Variants in GREB1L observed in about 807,000 individuals in gnomAD.
The protein encoded by GREB1L is GREB1 like retinoic acid receptor coactivator.
GREB1L carries 17 observed loss-of-function variants against 200.8 expected under a neutral mutation model. The ratio of observed to expected loss-of-function variants is 0.08; its 90% CI spans 0.06 to 0.13. The LOEUF (loss-of-function observed/expected upper bound fraction) is 0.13. GREB1L is among the 10% of genes least tolerant of loss of function. The pLI is 1.00. For missense variants in GREB1L, 1,657 were observed against 2,367.7 expected, an observed-to-expected ratio of 0.70 and a Z score of 6.23; for synonymous variants, 789 against 893.0, an observed-to-expected ratio of 0.88 and a Z score of 2.08.
intron 21 of GREB1L, among the ~76,000 whole-genome samples, chr18:21,497,284 T>G (rs188745992): frequency 3.3e-4 from 51 of 152,262 alleles, no homozygotes; most frequent in African/African-American, 1.1e-3. Context: ...TGATAAATTG[T>G]ATTATAGCAA....
At chr18:21,408,146 AG>A (rs750147720) in intron 7 of GREB1L, among the ~76,000 whole-genome samples, 74 of 144,416 alleles carry the variant, frequency 5.1e-4, no homozygotes, top group Middle Eastern at 3.8e-3. Context: ...AAAAAAAGAT[AG>A]ATGTTTGAGG....
chr18:21,323,147 TGTG>T (rs1409077631), intron 1 of GREB1L, among the ~76,000 whole-genome samples: 1 of 151,812 alleles, frequency 6.6e-6, no homozygotes, highest in Non-Finnish European at 1.5e-5. Context: ...AATAGCGGGA[TGTG>T]GTGGTGTGTG....
chr18:21,422,083 C>T (rs1785779240), intron 7 of GREB1L, among the ~76,000 whole-genome samples: 1 of 152,128 alleles, frequency 6.6e-6, no homozygotes, highest in Non-Finnish European at 1.5e-5. Flanking sequence ...TTTGTGAATC[C>T]TCCAGTGCTT....
At chr18:21,274,921 A>T (rs1054762527) in intron 1 of GREB1L, among the ~76,000 whole-genome samples, 5 of 151,928 alleles carry the variant, frequency 3.3e-5, no homozygotes, top group African/African-American at 7.3e-5. Context: ...AAAAAATTTT[A>T]AAATACCACA....
intron 32 of GREB1L, among the ~76,000 whole-genome samples, chr18:21,521,042 C>T (rs1488827869): frequency 6.6e-6 from 1 of 151,860 alleles, no homozygotes; most frequent in Non-Finnish European, 1.5e-5. Flanking sequence ...AAAAATACAA[C>T]AAAAATTAGC....
rs192440497 is a variant in GREB1L, at chr18:21,251,377, A to G, written c.-120+8984A>G. 2.6e-5 allele frequency among the ~76,000 whole-genome samples: 4 copies of G among 152,332 alleles called. No homozygotes were observed. The East Asian group carries it at 7.7e-4, about 29-fold the overall frequency. On this transcript the variant is annotated intron_variant, in intron 1 of 32. Coordinates refer to ENST00000424526, the MANE Select transcript of GREB1L (RefSeq NM_001142966.3). Reference sequence around the variant, plus strand: ...ATATTCAATAAAACACAAGGAACATAACTCTAAGTTAACTGGTATAGCTTG... The same window carrying G: ...ATATTCAATAAAACACAAGGAACATGACTCTAAGTTAACTGGTATAGCTTG...
intron 17 of GREB1L, among the ~76,000 whole-genome samples, chr18:21,480,226 C>T (rs2035866323): frequency 6.6e-6 from 1 of 152,246 alleles, no homozygotes; most frequent in South Asian, 2.1e-4. Flanking sequence ...TGGCAGGCAC[C>T]TGTAATCCCA....
intron 7 of GREB1L, among the ~76,000 whole-genome samples, chr18:21,404,296 G>C (rs1253528912): frequency 1.3e-5 from 2 of 152,168 alleles, no homozygotes; most frequent in Admixed American, 6.5e-5. Context: ...CTGCATCATA[G>C]CCATCCAGTG....
At chr18:21,393,694 G>C (rs1238879651) in intron 4 of GREB1L, among the ~76,000 whole-genome samples, 2 of 152,122 alleles carry the variant, frequency 1.3e-5, no homozygotes, top group Non-Finnish European at 2.9e-5. Flanking sequence ...CTTCCAAAGT[G>C]CTGAGATTAC....
intron 1 of GREB1L, among the ~76,000 whole-genome samples, chr18:21,348,817 C>T (rs2039392330): frequency 6.6e-6 from 1 of 152,032 alleles, no homozygotes; most frequent in South Asian, 2.1e-4. Context: ...TGGTGGCATG[C>T]ACCTGTAGTC....
chr18:21,329,454 T>G (rs1420831756), intron 1 of GREB1L, among the ~76,000 whole-genome samples: 2 of 152,176 alleles, frequency 1.3e-5, no homozygotes, highest in Non-Finnish European at 2.9e-5. Flanking sequence ...ACTGGTATTT[T>G]TTTTTCTCAT....
intron 1 of GREB1L, among the ~76,000 whole-genome samples, chr18:21,259,667 T>C (rs1263703506): frequency 6.6e-6 from 1 of 152,120 alleles, no homozygotes; most frequent in African/African-American, 2.4e-5. Flanking sequence ...ATTGAACTTA[T>C]ATCAAATGGA....
At chr18:21,311,912 G>T (rs563806018) in intron 1 of GREB1L, among the ~76,000 whole-genome samples, 1 of 151,884 alleles carries the variant, frequency 6.6e-6, no homozygotes, top group Non-Finnish European at 1.5e-5. Flanking sequence ...TTTGTTGTAC[G>T]GATTATTTCA....
chr18:21,351,551 G>T (rs1366639726), intron 1 of GREB1L, among the ~76,000 whole-genome samples: 3 of 151,652 alleles, frequency 2.0e-5, no homozygotes, highest in African/African-American at 7.3e-5. Context: ...CCAGCTTGGG[G>T]AACAGAGTGA....
At chr18:21,355,105 C>T (rs1289345668) in intron 1 of GREB1L, among the ~76,000 whole-genome samples, 39 of 152,120 alleles carry the variant, frequency 2.6e-4, no homozygotes, top group African/African-American at 9.4e-4. Context: ...TGGTGACTGC[C>T]TTCCCTCAGA....
intron 17 of GREB1L, 115 bp downstream of exon 17, chr18:21,477,471 T>G (rs2035747130): frequency 1.2e-6 from 1 of 826,466 alleles, no homozygotes; most frequent in Non-Finnish European, 1.7e-6. Flanking sequence ...ATTCAAAATC[T>G]AACGTAATGC....
chr18:21,257,573 A>C (rs2037820790), intron 1 of GREB1L, among the ~76,000 whole-genome samples: 1 of 152,204 alleles, frequency 6.6e-6, no homozygotes, highest in African/African-American at 2.4e-5. Context: ...TTATGCCATC[A>C]TAAAGACCTC....
intron 16 of GREB1L, among the ~76,000 whole-genome samples, 190 bp from the exon 17 acceptor site, chr18:21,476,973 CT>C (rs1334968203): frequency 1.9e-4 from 29 of 152,236 alleles, no homozygotes; most frequent in African/African-American, 6.0e-4. Flanking sequence ...ATACATATTC[CT>C]GAAATCTGTC....
chr18:21,350,529 G>A (rs1161597031), intron 1 of GREB1L, among the ~76,000 whole-genome samples: 1 of 152,098 alleles, frequency 6.6e-6, no homozygotes, highest in Non-Finnish European at 1.5e-5. Flanking sequence ...GTGAGCCGCT[G>A]CGCCCAGCTA....
Sources: gnomAD v4.1 joint callset for allele counts (sites outside exome capture counted in the v4.1 genomes callset) on GRCh38, gnomAD v4.1.1 for gene constraint, MANE v1.5 for transcripts, NCBI Gene and HGNC (gene_info 2026-07-23, HGNC 2026-07-21) for gene names.